The following MBD5 variants were observed in gnomAD, a reference collection of about 807,000 sequenced individuals.
MBD5 encodes the protein methyl-CpG-binding domain protein 5.
A neutral mutation model predicts 117.3 loss-of-function variants in MBD5; 13 were observed. That is an observed-to-expected ratio of 0.11 (90% CI 0.07 to 0.18). The LOEUF (loss-of-function observed/expected upper bound fraction) is 0.18. Among genes scored for constraint, MBD5 ranks in the 10% least tolerant of loss-of-function variants. The probability of loss-of-function intolerance (pLI) is 1.00; values close to 1 mark genes in which losing one functional copy is unlikely to be tolerated. For synonymous variants in MBD5, 727 were observed against 766.4 expected (o/e 0.95, Z 0.85); for missense variants, 1,879 against 2,093.8 (o/e 0.90, Z 2.00).
intron 3 of MBD5, among the ~76,000 whole-genome samples, chr2:148,341,110 G>A (rs1270946214): frequency 6.6e-6 from 1 of 151,950 alleles, no homozygotes; most frequent in Non-Finnish European, 1.5e-5. Flanking sequence ...TGTGTTTGAG[G>A]ATGATTTTCA....
intron 4 of MBD5, among the ~76,000 whole-genome samples, chr2:148,398,313 C>A (rs891751780): frequency 6.0e-5 from 9 of 151,022 alleles, no homozygotes; most frequent in African/African-American, 2.2e-4. Context: ...TCTCCAGCAC[C>A]TGTTGTTTCC....
At position 148,365,640 on chromosome 2, in the gene MBD5, G is replaced by T. The variant is rs372205486; in HGVS notation, c.-557+23304G>T. Among the ~76,000 whole-genome samples the T allele has an allele frequency of 1.1e-4, 16 of 152,156 alleles. No homozygotes were observed. The East Asian group carries it at 1.4e-3, about 13-fold the overall frequency. On this transcript the variant is annotated intron_variant, in intron 4 of 13. Coordinates refer to ENST00000642680, the MANE Select transcript of MBD5 (RefSeq NM_001378120.1). The stretch of plus-strand genomic sequence containing the variant: ...AATAGACACAATAAAAAATGATAAA[G>T]GGGCTATCACCACTGATCCCACCAA...
intron 1 of MBD5, among the ~76,000 whole-genome samples, chr2:148,127,157 C>T (rs1466258947): frequency 2.0e-5 from 3 of 151,800 alleles, no homozygotes; most frequent in Non-Finnish European, 4.4e-5. Context: ...TTAGTAGAGA[C>T]GGTGTTTCAC....
At chr2:148,443,547 C>G (rs1200365021) in intron 4 of MBD5, among the ~76,000 whole-genome samples, 1 of 151,364 alleles carries the variant, frequency 6.6e-6, no homozygotes, top group Non-Finnish European at 1.5e-5. Context: ...CAATGGAGTA[C>G]TATTCAGCCA....
chr2:148,180,356 A>ATATATATATATATATATG, intron 2 of MBD5, among the ~76,000 whole-genome samples: 1 of 118,450 alleles, frequency 8.4e-6, no homozygotes, highest in Non-Finnish European at 1.9e-5. Context: ...ATATATATAT[A>ATATATATATATATATATG]TATATGTATA....
intron 1 of MBD5, among the ~76,000 whole-genome samples, chr2:148,164,680 T>TGC (rs1455311348): frequency 6.6e-6 from 1 of 152,220 alleles, no homozygotes; most frequent in Non-Finnish European, 1.5e-5. Context: ...TGCTAAACTA[T>TGC]AAGTACATAA....
intron 4 of MBD5, among the ~76,000 whole-genome samples, chr2:148,442,940 C>G (rs1294978282): frequency 6.6e-6 from 1 of 151,348 alleles, no homozygotes; most frequent in Non-Finnish European, 1.5e-5. Flanking sequence ...AGAAAACAAT[C>G]AACAAAGTGA....
chr2:148,126,264 G>A (rs1180809273), intron 1 of MBD5, among the ~76,000 whole-genome samples: 1 of 151,774 alleles, frequency 6.6e-6, no homozygotes. Context: ...ATTTAGCTGG[G>A]CGTGGTGGTG....
chr2:148,434,866 T>C (rs1237966672), intron 4 of MBD5, among the ~76,000 whole-genome samples: 1 of 152,068 alleles, frequency 6.6e-6, no homozygotes, highest in Non-Finnish European at 1.5e-5. Context: ...TGTGTGGGAA[T>C]CTACACCTCT....
chr2:148,221,303 A>C (rs891560370), intron 2 of MBD5, among the ~76,000 whole-genome samples: 2 of 152,082 alleles, frequency 1.3e-5, no homozygotes, highest in African/African-American at 4.8e-5. Flanking sequence ...AGATTACTGA[A>C]TCATGTGGTA....
intron 2 of MBD5, among the ~76,000 whole-genome samples, chr2:148,218,351 A>G (rs995949598): frequency 3.3e-5 from 5 of 152,222 alleles, no homozygotes; most frequent in African/African-American, 1.2e-4. Context: ...TTGCAAGGGA[A>G]CAGACTAATC....
At chr2:148,499,501 T>C (rs1027050400) in intron 11 of MBD5, among the ~76,000 whole-genome samples, 4 of 152,142 alleles carry the variant, frequency 2.6e-5, no homozygotes, top group Non-Finnish European at 5.9e-5. Flanking sequence ...GATAAAGCCC[T>C]CTCCTAAATT....
intron 1 of MBD5, among the ~76,000 whole-genome samples, chr2:148,064,329 A>C (rs551242592): frequency 6.6e-5 from 10 of 151,732 alleles, no homozygotes; most frequent in Admixed American, 2.0e-4. Flanking sequence ...GTTAGCCAGG[A>C]TGGTCTCGAT....
chr2:148,355,858 T>C (rs1292975151), intron 4 of MBD5, among the ~76,000 whole-genome samples: 1 of 152,128 alleles, frequency 6.6e-6, no homozygotes, highest in Non-Finnish European at 1.5e-5. Context: ...TTGAATAGTA[T>C]TGAATCTATA....
At chr2:148,056,638 G>A (rs1694873301) in intron 1 of MBD5, among the ~76,000 whole-genome samples, 1 of 152,122 alleles carries the variant, frequency 6.6e-6, no homozygotes, top group Non-Finnish European at 1.5e-5. Flanking sequence ...AACCAAAACA[G>A]ACTTTGTCAT....
At chr2:148,321,378 A>G (rs1426244757) in intron 3 of MBD5, among the ~76,000 whole-genome samples, 1 of 152,216 alleles carries the variant, frequency 6.6e-6, no homozygotes, top group African/African-American at 2.4e-5. Flanking sequence ...GCTGCATTCA[A>G]AGCCATCCTG....
At chr2:148,367,634 A>G (rs928462698) in intron 4 of MBD5, among the ~76,000 whole-genome samples, 1 of 152,228 alleles carries the variant, frequency 6.6e-6, no homozygotes, top group Non-Finnish European at 1.5e-5. Flanking sequence ...TTTACAAGAA[A>G]AAAACAAACA....
chr2:148,257,910 T>C (rs186563844), intron 3 of MBD5, among the ~76,000 whole-genome samples: 1 of 152,330 alleles, frequency 6.6e-6, no homozygotes, highest in African/African-American at 2.4e-5. Flanking sequence ...CGTTTGATGA[T>C]ACAGCTTCAT....
intron 2 of MBD5, among the ~76,000 whole-genome samples, chr2:148,185,207 G>C (rs1415418168): frequency 1.3e-5 from 2 of 152,168 alleles, no homozygotes; most frequent in Non-Finnish European, 2.9e-5. Context: ...TCCTGCCCCA[G>C]ATCCAAGGCC....
Sources: allele counts gnomAD v4.1 joint callset (sites outside exome capture counted in the v4.1 genomes callset), GRCh38; gene constraint gnomAD v4.1.1; transcripts MANE v1.5; gene names NCBI Gene and HGNC (gene_info 2026-07-23, HGNC 2026-07-21).